Variants in PDXDC1 observed in about 807,000 individuals in gnomAD.
The protein encoded by PDXDC1 is pyridoxal dependent decarboxylase domain containing 1.
A neutral mutation model predicts 100.1 loss-of-function variants in PDXDC1; 42 were observed. The observed-to-expected ratio is 0.42, with a 90% CI of 0.33 to 0.54. PDXDC1 has a LOEUF of 0.54. Among genes scored for constraint, PDXDC1 ranks in the 20% least tolerant of loss-of-function variants. The pLI, the probability that PDXDC1 is intolerant of heterozygous loss-of-function variation, is 0.10. For synonymous variants in PDXDC1, 260 were observed against 371.7 expected (o/e 0.70, Z 3.46); for missense variants, 636 against 979.2 (o/e 0.65, Z 4.68).
At chr16:15,127,917 G>A (rs1418396722) in intron 16 of PDXDC1, 15 of 1,391,058 alleles carry the variant, frequency 1.1e-5, no homozygotes, top group African/African-American at 7.1e-5. Flanking sequence ...AGGGAGGGCC[G>A]CACTGCAGGA....
chr16:14,984,496 T>TATATATATATATATA (rs1491326563), intron 1 of PDXDC1, among the ~76,000 whole-genome samples: 4 of 51,204 alleles, frequency 7.8e-5, no homozygotes, highest in Admixed American at 7.0e-4. Flanking sequence ...TATATATATA[T>TATATATATATATATA]TTTTTTTTTT....
At chr16:14,985,978 G>C (rs1969272754) in intron 1 of PDXDC1, among the ~76,000 whole-genome samples, 1 of 152,268 alleles carries the variant, frequency 6.6e-6, no homozygotes, top group African/African-American at 2.4e-5. Flanking sequence ...GCATGTGCCT[G>C]TAGCCATGTC....
At chr16:15,087,913 G>C (rs764046004) in intron 16 of PDXDC1, among the ~76,000 whole-genome samples, 1 of 151,970 alleles carries the variant, frequency 6.6e-6, no homozygotes, top group Non-Finnish European at 1.5e-5. Context: ...TTGGGAGTTC[G>C]AGATGAGCCT....
In PDXDC1 at chr16:15,104,548, G is replaced by T. The variant is rs148599254; in HGVS notation, c.1400-34331G>T. 5.1e-6 allele frequency: 8 copies of T among 1,581,034 alleles called. No homozygotes were observed. In the South Asian group the frequency reaches 6.5e-5, roughly 13 times the overall value. ...AAGGGGAGTGAGCAGACACTCGGAG[G>T]TGTCTTGAGATTATCATCCGCTGAG... is the stretch of plus-strand genomic sequence containing the variant. On this transcript the variant is annotated intron_variant, in intron 16 of 16. Transcript: ENST00000535621.
chr16:15,093,098 G>A (rs1466932184), intron 16 of PDXDC1, among the ~76,000 whole-genome samples: 1 of 151,924 alleles, frequency 6.6e-6, no homozygotes, highest in Admixed American at 6.6e-5. Context: ...TCCATCTCCC[G>A]GGTTCAAGCA....
At chr16:15,116,479 CA>C (rs1193819668) in intron 16 of PDXDC1, among the ~76,000 whole-genome samples, 3,614 of 28,200 alleles carry the variant, frequency 0.13, 48 homozygotes, top group East Asian at 0.36. Flanking sequence ...GACTCTGTCT[CA>C]AAAAAAAAAA....
chr16:15,080,742 A>G (rs549035702), intron 16 of PDXDC1, among the ~76,000 whole-genome samples: 8 of 152,258 alleles, frequency 5.3e-5, no homozygotes, highest in African/African-American at 1.9e-4. Context: ...TAACATTTTA[A>G]TCACGCTAAA....
intron 16 of PDXDC1, chr16:15,114,401 T>G: frequency 1.9e-6 from 3 of 1,567,532 alleles, no homozygotes; most frequent in Non-Finnish European, 2.6e-6. Flanking sequence ...TATTCTTATT[T>G]GTGATTACAA....
At chr16:15,122,074 C>G (rs917059865) in intron 16 of PDXDC1, among the ~76,000 whole-genome samples, 1 of 151,192 alleles carries the variant, frequency 6.6e-6, no homozygotes, top group Non-Finnish European at 1.5e-5. Flanking sequence ...TGAGGCAGGA[C>G]AATTGCTTGA....
At chr16:15,129,972 C>T (rs1473069850) in intron 16 of PDXDC1, 1 of 1,344,276 alleles carries the variant, frequency 7.4e-7, no homozygotes, top group African/African-American at 1.4e-5. Context: ...CCCCGGCTGG[C>T]ATCCAACTGG....
At chr16:15,047,372 T>C in intron 16 of PDXDC1, 1 of 1,020,372 alleles carries the variant, frequency 9.8e-7, no homozygotes, top group South Asian at 1.3e-5. Flanking sequence ...CCTAACAGCT[T>C]CCACAGCCAC....
chr16:15,145,675 G>A, the PDXDC1 span, among the ~76,000 whole-genome samples: 2 of 152,252 alleles, frequency 1.3e-5, no homozygotes, highest in African/African-American at 2.4e-5. Context: ...GCCCCTAGGC[G>A]AGGACAGCTG....
chr16:15,140,187 G>A (rs2048445669), downstream of PDXDC1, among the ~76,000 whole-genome samples: 1 of 151,184 alleles, frequency 6.6e-6, no homozygotes, highest in African/African-American at 2.4e-5. Context: ...GCTCCTGCCT[G>A]TAATCCCAGC....
chr16:15,100,620 A>G (rs964989577), intron 16 of PDXDC1, among the ~76,000 whole-genome samples: 1 of 152,178 alleles, frequency 6.6e-6, no homozygotes, highest in Non-Finnish European at 1.5e-5. Flanking sequence ...GTAACATTCA[A>G]AAATATCTCC....
chr16:15,049,434 AT>A (rs35440863), intron 16 of PDXDC1, among the ~76,000 whole-genome samples: 95 of 146,270 alleles, frequency 6.5e-4, no homozygotes, highest in African/African-American at 1.1e-3. Flanking sequence ...CTTTTATCTT[AT>A]TTTTTTTTTT....
At chr16:15,051,697 AATT>A (rs949803373) in intron 16 of PDXDC1, among the ~76,000 whole-genome samples, 1 of 115,794 alleles carries the variant, frequency 8.6e-6, no homozygotes, top group Non-Finnish European at 1.8e-5. Flanking sequence ...CTTTATTTTT[AATT>A]TTTTTTTTTT....
chr16:15,036,152 C>A lies in PDXDC1; in HGVS notation c.2244C>A (p.Ser748Arg). 1 of 1,614,162 alleles carries A rather than the reference C, an allele frequency of 6.2e-7. No homozygotes were observed. The highest frequency in any genetic ancestry group is 1.7e-5 in the Admixed American group (1 of 60,024). ...AGCAGATCACCCTCGAGGCCAGCAGCACTGAGGGACACCCAGGGGCTCCCA... is the reference window on the plus strand; with the variant it reads ...AGCAGATCACCCTCGAGGCCAGCAGAACTGAGGGACACCCAGGGGCTCCCA... The part of the protein sequence containing the change: ...GPEQITLEAS[S>R]TEGHPGAPSP... Residue 748 changes from serine to arginine, a missense_variant, in exon 23 of 23, where the codon AGC becomes AGA. Ser to Arg is a moderately radical substitution (Grantham distance 110). This residue lies in a region of PDXDC1 where 452 missense variants were observed against 402.9 expected (regional missense o/e 1.12). Coordinates refer to ENST00000396410, the MANE Select transcript of PDXDC1 (RefSeq NM_015027.4).
chr16:15,065,027 G>A (rs1165778514), intron 16 of PDXDC1, among the ~76,000 whole-genome samples: 3 of 152,082 alleles, frequency 2.0e-5, no homozygotes, highest in Non-Finnish European at 4.4e-5. Flanking sequence ...TTAGCCAGGC[G>A]TGGCAGTGGG....
Position 15,035,463 on chromosome 16 carries a change from A to G in PDXDC1, c.2017A>G (p.Thr673Ala). The stretch of plus-strand genomic sequence containing the variant: ...CTCTCCCGCAGGCTCTCTGGAGTCC[A>G]CAGAACCCATATATGTCTACAAAGC... ...FNLTAGSLES[T>A]EPIYVYKAQG... Residue 673 changes from threonine to alanine, a missense_variant, in exon 22 of 23, where the codon ACA becomes GCA. Coordinates refer to ENST00000396410, the MANE Select transcript of PDXDC1 (RefSeq NM_015027.4). 2 of 1,609,756 alleles carry G rather than the reference A, an allele frequency of 1.2e-6. No individual in the cohort carries two copies. The highest frequency in any genetic ancestry group is 1.1e-5 in the South Asian group (1 of 90,634).
Sources: gnomAD v4.1 joint callset for allele counts (sites outside exome capture counted in the v4.1 genomes callset) on GRCh38, gnomAD v4.1.1 for gene constraint, gnomAD v4.1.1 regional missense constraint, MANE v1.5 for transcripts, NCBI Gene and HGNC (gene_info 2026-07-23, HGNC 2026-07-21) for gene names.